NGEF: variants seen among roughly 807,000 people sequenced by gnomAD.
NGEF encodes ephexin-1.
Under a neutral mutation model 80.9 loss-of-function variants are expected in NGEF, and 31 were observed. The ratio of observed to expected loss-of-function variants is 0.38; its 90% confidence interval spans 0.29 to 0.52. The LOEUF is 0.52. Ranked by LOEUF, NGEF falls within the 20% of genes least tolerant of loss-of-function variation. NGEF has a pLI of 0.84. For missense variants in NGEF, 709 were observed against 926.2 expected, an observed-to-expected ratio of 0.77 and a Z score of 3.04; for synonymous variants, 371 against 370.2, an observed-to-expected ratio of 1.00 and a Z score of -0.03.
intron 1 of NGEF, among the ~76,000 whole-genome samples, chr2:232,976,908 A>G (rs942230900): frequency 1.3e-5 from 2 of 152,170 alleles, no homozygotes; most frequent in African/African-American, 2.4e-5. Context: ...AGCCCCTTCC[A>G]ACTAGAAAGC....
chr2:232,927,697 G>A (rs1575021508), intron 3 of NGEF, among the ~76,000 whole-genome samples: 2 of 152,098 alleles, frequency 1.3e-5, no homozygotes, highest in African/African-American at 2.4e-5. Context: ...GGTCCCAGGG[G>A]CCCGGGCCGG....
Position 232,883,369 on chromosome 2 carries a change from G to A in NGEF, c.1699C>T (p.Arg567Trp), listed in dbSNP as rs769159775. 7 of 1,612,928 alleles carry A rather than the reference G, an allele frequency of 4.3e-6. No homozygotes were observed. The highest frequency in any genetic ancestry group is 1.1e-5 in the South Asian group (1 of 90,884). Residue 567 changes from arginine to tryptophan, a missense_variant, in exon 12 of 15, where the codon CGG becomes TGG. Coordinates refer to ENST00000264051, the MANE Select transcript of NGEF (RefSeq NM_019850.3). Reference protein sequence around the residue: ...GQTLANVFILRLLENADDREA... With the variant: ...GQTLANVFILWLLENADDREA... ...CGGTCATCTGCGTTCTCCAGCAGCC[G>A]CAGGATGAACACGTTGGCCAGCGTC...
At chr2:233,011,939 A>G (rs1695216395) in intron 1 of NGEF, among the ~76,000 whole-genome samples, 1 of 152,110 alleles carries the variant, frequency 6.6e-6, no homozygotes, top group Admixed American at 6.6e-5. Context: ...AGTGCGGTGG[A>G]GGGAGGTGGT....
At chr2:233,012,975 C>T (rs1253106385) in intron 1 of NGEF, 93 bp downstream of exon 1, 1 of 464,466 alleles carries the variant, frequency 2.2e-6, no homozygotes, top group East Asian at 7.0e-5. Flanking sequence ...GGGTGGTAAT[C>T]TCCTTTCCTA....
At chr2:232,883,613 T>A (rs1172977322) in intron 11 of NGEF, 147 bp from the exon 12 acceptor site, 1 of 879,618 alleles carries the variant, frequency 1.1e-6, no homozygotes, top group Non-Finnish European at 1.7e-6. Context: ...TGAACGCCTG[T>A]CTCCCGCACC....
intron 12 of NGEF, among the ~76,000 whole-genome samples, chr2:232,882,808 G>A (rs1487974959): frequency 6.6e-6 from 1 of 152,204 alleles, no homozygotes; most frequent in African/African-American, 2.4e-5. Context: ...AACCTCCACA[G>A]TTCCAGGCTC....
chr2:232,940,943 A>T lies in NGEF; in HGVS notation c.384-13757T>A, dbSNP rs545568433. Among the ~76,000 whole-genome samples the T allele has an allele frequency of 2.0e-5, 3 of 152,338 alleles. No individual in the cohort carries two copies. In the East Asian group the frequency reaches 5.8e-4, roughly 29 times the overall value. Reference sequence around the variant, plus strand: ...GCCTAGACAGAGCCAATTCCTCAAGACAGGGGAATTGCAATAGAGAAAGAG... The same window carrying T: ...GCCTAGACAGAGCCAATTCCTCAAGTCAGGGGAATTGCAATAGAGAAAGAG... On this transcript the variant is annotated intron_variant, in intron 3 of 14. Transcript: ENST00000264051.
intron 3 of NGEF, among the ~76,000 whole-genome samples, chr2:232,930,174 C>T (rs2106287574): frequency 6.6e-6 from 1 of 152,238 alleles, no homozygotes; most frequent in African/African-American, 2.4e-5. Flanking sequence ...ACACATTTCT[C>T]ATAGTTCCAG....
chr2:232,976,723 G>A (rs892236014), intron 1 of NGEF, among the ~76,000 whole-genome samples: 7 of 152,220 alleles, frequency 4.6e-5, no homozygotes, highest in African/African-American at 1.7e-4. Context: ...AACGTACTCA[G>A]AGGTTGCCTC....
intron 1 of NGEF, among the ~76,000 whole-genome samples, chr2:232,981,969 G>A (rs2106328361): frequency 6.6e-6 from 1 of 152,226 alleles, no homozygotes; most frequent in East Asian, 1.9e-4. Flanking sequence ...GGCCACCAGA[G>A]GGAAAAAAGG....
intron 12 of NGEF, 75 bp downstream of exon 12, chr2:232,883,236 A>T: frequency 6.7e-7 from 1 of 1,487,382 alleles, no homozygotes. Flanking sequence ...CCACCTGGGG[A>T]CAGGCCCATA....
intron 14 of NGEF, 26 bp downstream of exon 14, chr2:232,881,120 C>T (rs200223043): frequency 1.2e-6 from 2 of 1,602,516 alleles, no homozygotes; most frequent in East Asian, 2.2e-5. Context: ...CCCTGGGGGC[C>T]CCGAGGGGAG....
In NGEF at chr2:232,995,628, C is replaced by CGTATGTATAG. The variant is rs1559240897; in HGVS notation, c.-75+17439_-75+17440insCTATACATAC. Reference sequence around the variant, plus strand: ...TATACAGTATGTATACGTATGTATACTGTATATATGTATTATAGTGTATAT... The same window carrying CGTATGTATAG: ...TATACAGTATGTATACGTATGTATACGTATGTATAGTGTATATATGTATTATAGTGTATAT... On this transcript the variant is annotated intron_variant, in intron 1 of 14. Coordinates refer to ENST00000264051, the MANE Select transcript of NGEF (RefSeq NM_019850.3). Among the ~76,000 whole-genome samples the CGTATGTATAG allele has an allele frequency of 1.2e-4, 3 of 25,272 alleles. 1 individual carries two copies. Among genetic ancestry groups the CGTATGTATAG allele is most frequent in the African/African-American group, 3.8e-4 (3 of 7,906 alleles). 16.6% of individuals were successfully genotyped at this position (25,272 alleles called of 152,430 possible).
intron 13 of NGEF, 30 bp downstream of exon 13, chr2:232,882,156 A>G (rs1200839780): frequency 3.1e-6 from 5 of 1,604,682 alleles, no homozygotes; most frequent in Non-Finnish European, 4.3e-6. Flanking sequence ...CCAAGGACAA[A>G]TGGCGCCCCC....
intron 3 of NGEF, chr2:232,927,874 G>C: frequency 7.9e-7 from 1 of 1,269,710 alleles, no homozygotes; most frequent in South Asian, 2.7e-5. Flanking sequence ...CCGGGGCCGG[G>C]ACAGGCGCCC....
chr2:232,946,754 T>G (rs1693568327), intron 3 of NGEF, among the ~76,000 whole-genome samples: 1 of 152,092 alleles, frequency 6.6e-6, no homozygotes, highest in South Asian at 2.1e-4. Flanking sequence ...GTGAAGGAAG[T>G]ATTCAAAGAC....
At chr2:232,893,882 A>T (rs1460834041) in intron 6 of NGEF, among the ~76,000 whole-genome samples, 1 of 152,190 alleles carries the variant, frequency 6.6e-6, no homozygotes, top group African/African-American at 2.4e-5. Flanking sequence ...CGCTGCCACG[A>T]AGGGGTGAGG....
At chr2:232,921,155 T>C (rs1448874683) in intron 4 of NGEF, among the ~76,000 whole-genome samples, 1 of 152,192 alleles carries the variant, frequency 6.6e-6, no homozygotes, top group Non-Finnish European at 1.5e-5. Flanking sequence ...TGCTTTCCAG[T>C]CTCTTAGGCG....
chr2:233,008,522 C>G (rs1216844337), intron 1 of NGEF, among the ~76,000 whole-genome samples: 1 of 152,220 alleles, frequency 6.6e-6, no homozygotes, highest in Non-Finnish European at 1.5e-5. Context: ...TTGGGACTGA[C>G]CCTGGCCACT....
Sources: gnomAD v4.1 joint callset for allele counts (sites outside exome capture counted in the v4.1 genomes callset) on GRCh38, gnomAD v4.1.1 for gene constraint, MANE v1.5 for transcripts, NCBI Gene and HGNC (gene_info 2026-07-23, HGNC 2026-07-21) for gene names.